Variants in CDC40 observed in about 807,000 individuals in gnomAD.
The protein encoded by CDC40 is cell division cycle 40.
In CDC40, 27 loss-of-function variants were observed where a neutral mutation model predicts 80.6. That is an observed-to-expected ratio of 0.33 (90% CI 0.25 to 0.46). CDC40 has a LOEUF of 0.46. CDC40 is among the 20% of genes least tolerant of loss of function. The pLI, the probability that CDC40 is intolerant of heterozygous loss-of-function variation, is 1.00. For synonymous variants in CDC40, 221 were observed against 232.6 expected, an observed-to-expected ratio of 0.95 and a Z score of 0.45; for missense variants, 486 against 694.1, an observed-to-expected ratio of 0.70 and a Z score of 3.37.
intron 3 of CDC40, among the ~76,000 whole-genome samples, chr6:110,207,176 G>T (rs546010001): frequency 6.6e-6 from 1 of 151,984 alleles, no homozygotes; most frequent in East Asian, 1.9e-4. Context: ...TTAGCTAGGG[G>T]TAATGACGCA....
intron 14 of CDC40, 54 bp from the exon 15 acceptor site, chr6:110,229,900 C>A: frequency 8.0e-7 from 1 of 1,247,376 alleles, no homozygotes; most frequent in South Asian, 1.3e-5. Flanking sequence ...CCTCATTCGC[C>A]TTACCAATTT....
At chr6:110,193,370 A>C in intron 2 of CDC40, 102 bp downstream of exon 2, 2 of 688,436 alleles carry the variant, frequency 2.9e-6, no homozygotes, top group Non-Finnish European at 5.2e-6. Context: ...TCACATAAGC[A>C]TACTATTTAA....
At chr6:110,197,488 A>G (rs1247672406) in intron 2 of CDC40, among the ~76,000 whole-genome samples, 1 of 152,192 alleles carries the variant, frequency 6.6e-6, no homozygotes, top group Non-Finnish European at 1.5e-5. Context: ...CATTGTTATT[A>G]ACTGTAGTCA....
chr6:110,221,290 C>T (rs567206590), intron 12 of CDC40, among the ~76,000 whole-genome samples: 52 of 152,296 alleles, frequency 3.4e-4, no homozygotes, highest in African/African-American at 1.2e-3. Flanking sequence ...TCTGCTTTAA[C>T]AAGTGGAAAG....
Position 110,193,263 on chromosome 6 carries a change from C to T in CDC40, c.271C>T (p.Pro91Ser). The T allele has an allele frequency of 6.3e-7, 1 of 1,581,168 alleles. No homozygotes were observed. ...YNPTYETMFA[P>S]EFGPENPFRT... ...TCCTACCTATGAGACCATGTTTGCTCCTGAGGTAAGAAAACATACTTAAGG... is the reference window on the plus strand; with the variant it reads ...TCCTACCTATGAGACCATGTTTGCTTCTGAGGTAAGAAAACATACTTAAGG... Residue 91 changes from proline to serine, a missense_variant, in exon 2 of 15, where the codon CCT becomes TCT. Pro to Ser is a moderately conservative substitution (Grantham distance 74, BLOSUM62 -1). Around this residue, in one of 3 missense-constraint regions of CDC40, gnomAD observed 381 missense variants for 492.1 expected, o/e 0.77. Coordinates refer to ENST00000307731, the MANE Select transcript of CDC40 (RefSeq NM_015891.3).
chr6:110,187,079 C>T (rs1777282795), intron 1 of CDC40, among the ~76,000 whole-genome samples: 1 of 152,122 alleles, frequency 6.6e-6, no homozygotes, highest in Non-Finnish European at 1.5e-5. Context: ...CCTGGGCTTA[C>T]ACCATTTTCC....
intron 5 of CDC40, among the ~76,000 whole-genome samples, chr6:110,210,320 C>T (rs531743499): frequency 7.0e-4 from 106 of 151,634 alleles, no homozygotes; most frequent in Non-Finnish European, 1.4e-3. Context: ...GAGGCCGAGG[C>T]GGGCGCATTG....
At chr6:110,195,496 G>T (rs1039535250) in intron 2 of CDC40, among the ~76,000 whole-genome samples, 1 of 152,106 alleles carries the variant, frequency 6.6e-6, no homozygotes, top group African/African-American at 2.4e-5. Flanking sequence ...GGAGTTAAGC[G>T]GAATACTTAT....
intron 12 of CDC40, among the ~76,000 whole-genome samples, chr6:110,220,489 A>T (rs1248725893): frequency 9.1e-6 from 1 of 110,220 alleles, no homozygotes; most frequent in East Asian, 2.6e-4. Context: ...TTGCTGTGCC[A>T]CCCAGGCTGC....
intron 1 of CDC40, among the ~76,000 whole-genome samples, chr6:110,185,584 C>T (rs1777258886): frequency 6.6e-6 from 1 of 152,052 alleles, no homozygotes; most frequent in African/African-American, 2.4e-5. Flanking sequence ...CAGACCGTGG[C>T]CTGGATTTGG....
chr6:110,219,680 T>G, intron 11 of CDC40, 56 bp from the exon 12 acceptor site: 1 of 1,563,848 alleles, frequency 6.4e-7, no homozygotes, highest in Non-Finnish European at 8.7e-7. Context: ...AGAATTATGG[T>G]CTTTCATAAA....
At chr6:110,182,281 C>T (rs1777208523) in intron 1 of CDC40, among the ~76,000 whole-genome samples, 2 of 152,160 alleles carry the variant, frequency 1.3e-5, no homozygotes, top group South Asian at 2.1e-4. Flanking sequence ...TAATTAAATG[C>T]TTGCTATCCT....
chr6:110,183,801 C>T (rs755159005), intron 1 of CDC40, among the ~76,000 whole-genome samples: 1 of 152,174 alleles, frequency 6.6e-6, no homozygotes, highest in Non-Finnish European at 1.5e-5. Flanking sequence ...CTGTTTCCTG[C>T]AGTTGAGTAT....
At chr6:110,181,610 C>T (rs1425642575) in intron 1 of CDC40, among the ~76,000 whole-genome samples, 1 of 152,202 alleles carries the variant, frequency 6.6e-6, no homozygotes, top group East Asian at 1.9e-4. Flanking sequence ...TGCTTAGAAT[C>T]CTCCTAACTT....
In CDC40 at chr6:110,226,026, C is replaced by T. The variant is rs925557325; in HGVS notation, c.1341-141C>T. 7 of 586,272 alleles carry T rather than the reference C, an allele frequency of 1.2e-5. No individual in the cohort carries two copies. The African/African-American group carries it at 1.3e-4, about 11-fold the overall frequency. The allele number at this position is 586,272 out of a possible 1,614,324, so 36.3% of individuals were successfully genotyped here. ...TGTCATCTTGTGATTTTTCTTCTTC[C>T]AGAAAGTTTCATGAAAGATTTATTA... On this transcript the variant is annotated intron_variant, in intron 12 of 14. Transcript: ENST00000307731.
intron 2 of CDC40, among the ~76,000 whole-genome samples, chr6:110,194,805 T>G (rs1439477870): frequency 6.6e-6 from 1 of 152,250 alleles, no homozygotes; most frequent in Non-Finnish European, 1.5e-5. Flanking sequence ...CATGTCATTT[T>G]ATTTTCTCTG....
rs559909824 is a variant in CDC40, at chr6:110,198,179, C to CT, written c.277-3362dup. 2.3e-3 allele frequency among the ~76,000 whole-genome samples: 310 copies of CT among 136,658 alleles called. 4 individuals are homozygous for CT. Among genetic ancestry groups the CT allele is most frequent in the South Asian group, 4.4e-3 (19 of 4,290 alleles). 89.7% of individuals were successfully genotyped at this position (136,658 alleles called of 152,430 possible). On this transcript the variant is annotated intron_variant, in intron 2 of 14. Coordinates refer to ENST00000307731, the MANE Select transcript of CDC40 (RefSeq NM_015891.3). ...GAGTACTTTCTCAAATACCTGTTGA[C>CT]TTTTTTTTTTTTTTTTTGAGAGGAG...
chr6:110,218,308 T>C (rs1306114328), intron 10 of CDC40, among the ~76,000 whole-genome samples: 1 of 152,242 alleles, frequency 6.6e-6, no homozygotes, highest in East Asian at 1.9e-4. Context: ...AAAATTATCT[T>C]ACTATCTTAT....
At chr6:110,215,514 G>A (rs1173466673) in intron 9 of CDC40, among the ~76,000 whole-genome samples, 183 bp downstream of exon 9, 1 of 152,202 alleles carries the variant, frequency 6.6e-6, no homozygotes, top group East Asian at 1.9e-4. Flanking sequence ...AAGAGCAGCG[G>A]ATGCAAAACA....
Sources: gnomAD v4.1 joint callset for allele counts (sites outside exome capture counted in the v4.1 genomes callset) on GRCh38, gnomAD v4.1.1 for gene constraint, gnomAD v4.1.1 regional missense constraint, MANE v1.5 for transcripts, NCBI Gene and HGNC (gene_info 2026-07-23, HGNC 2026-07-21) for gene names.